The following RRBP1 variants were observed in gnomAD, a reference collection of about 807,000 sequenced individuals.
RRBP1 encodes the protein ribosome-binding protein 1.
Under a neutral mutation model 165.2 loss-of-function variants are expected in RRBP1, and 94 were observed. That is an observed-to-expected ratio of 0.57 (90% CI 0.48 to 0.68). The LOEUF (loss-of-function observed/expected upper bound fraction) is 0.68. Among genes scored for constraint, RRBP1 ranks in the 30% least tolerant of loss-of-function variants. The pLI is 0.00. For missense variants in RRBP1, 1,676 were observed against 1,763.0 expected, an observed-to-expected ratio of 0.95 and a Z score of 0.88; for synonymous variants, 680 against 714.5, an observed-to-expected ratio of 0.95 and a Z score of 0.77.
At chr20:17,627,254 C>G in intron 11 of RRBP1, 94 bp downstream of exon 11, 1 of 1,310,732 alleles carries the variant, frequency 7.6e-7, no homozygotes. Flanking sequence ...CTGCAGAGGA[C>G]CTGAGCACCC....
Position 17,614,153 on chromosome 20 carries a change from A to G in RRBP1, c.*29T>C. On this transcript the variant is annotated 3_prime_UTR_variant, in exon 25 of 25. Coordinates refer to ENST00000377813, the MANE Select transcript of RRBP1 (RefSeq NM_001365613.2). ...TGTGTAAGGCATTTTGGTAAGTTGA[A>G]CAGTAACTTCTTTTTCCAAAGAGGA... 2 of 1,612,060 alleles carry G rather than the reference A, an allele frequency of 1.2e-6. No homozygotes were observed. Among genetic ancestry groups the G allele is most frequent in the Non-Finnish European group, 1.7e-6 (2 of 1,178,160 alleles).
At position 17,617,196 on chromosome 20, in the gene RRBP1, C is replaced by G. The variant is rs572239079; in HGVS notation, c.3760-357G>C. 2.0e-5 allele frequency among the ~76,000 whole-genome samples: 3 copies of G among 152,366 alleles called. No individual in the cohort carries two copies. The East Asian group carries it at 5.8e-4, about 29-fold the overall frequency. Reference sequence around the variant, plus strand: ...CTGTCTACACCCCCCGTTTCTCCTTCAAGGATGCAGTCCACTGCTCAGAGC... The same window carrying G: ...CTGTCTACACCCCCCGTTTCTCCTTGAAGGATGCAGTCCACTGCTCAGAGC... On this transcript the variant is annotated intron_variant, in intron 20 of 24. Transcript: ENST00000377813.
intron 3 of RRBP1, among the ~76,000 whole-genome samples, chr20:17,652,317 T>A (rs1292014091): frequency 6.6e-6 from 1 of 152,156 alleles, no homozygotes; most frequent in African/African-American, 2.4e-5. Context: ...AGGAATGGAA[T>A]CTTTAATTTT....
At chr20:17,618,516 A>G in intron 20 of RRBP1, 80 bp downstream of exon 20, 1 of 1,118,492 alleles carries the variant, frequency 8.9e-7, no homozygotes, top group Non-Finnish European at 1.4e-6. Flanking sequence ...AGTGGACACA[A>G]ACGCATGACT....
intron 3 of RRBP1, among the ~76,000 whole-genome samples, chr20:17,645,961 G>T (rs913164393): frequency 6.6e-6 from 1 of 152,216 alleles, no homozygotes; most frequent in African/African-American, 2.4e-5. Flanking sequence ...GGCCTGGGGA[G>T]TGACCAGGGA....
chr20:17,658,481 A>G, intron 3 of RRBP1, 115 bp downstream of exon 3: 1 of 869,666 alleles, frequency 1.1e-6, no homozygotes, highest in Non-Finnish European at 1.7e-6. Flanking sequence ...AATGTTTGTT[A>G]CGCAGCCTTA....
rs766729433 is a variant in RRBP1 at position 17,620,726 on chromosome 20, C to G, written c.3496G>C (p.Glu1166Gln). The change falls in exon 17 of 25, where the codon GAG becomes CAG. Residue 1166 changes from glutamate to glutamine, a missense_variant. This residue lies in a region of RRBP1 where 1,184 missense variants were observed against 1,167.1 expected (regional missense o/e 1.01). Transcript: ENST00000377813. ...WRAKVGAAEE[E>Q]LQKSRVTVKH... ...AGGGCTGCATATACCTTCTGGAGCT[C>G]CTCCTCTGCGGCGCCCACCTTGGCC... 30 of 1,605,126 alleles carry G rather than the reference C, an allele frequency of 1.9e-5. No homozygotes were observed. Among genetic ancestry groups the G allele is most frequent in the Non-Finnish European group, 2.5e-5 (30 of 1,179,326 alleles).
chr20:17,657,303 G>A (rs1406679134), intron 3 of RRBP1, among the ~76,000 whole-genome samples: 2 of 152,208 alleles, frequency 1.3e-5, no homozygotes, highest in South Asian at 2.1e-4. Context: ...GCCTACAGCC[G>A]CTCACAGGGG....
intron 2 of RRBP1, among the ~76,000 whole-genome samples, chr20:17,673,628 C>T (rs1568791448): frequency 1.3e-5 from 2 of 152,106 alleles, no homozygotes; most frequent in South Asian, 2.1e-4. Context: ...AGGCTGGTCT[C>T]GACCTCCTGA....
At position 17,658,908 on chromosome 20, in the gene RRBP1, G is replaced by A. The variant is rs2036695729; in HGVS notation, c.1600C>T (p.Pro534Ser). 1 of 1,613,312 alleles carries A rather than the reference G, an allele frequency of 6.2e-7. No homozygotes were observed. Among genetic ancestry groups the A allele is most frequent in the Non-Finnish European group, 8.5e-7 (1 of 1,179,882 alleles). The part of the protein sequence containing the change: ...GAQGKKAERS[P>S]NQGKKGEGAP... ...CCCTCTCCTTTTTTGCCTTGGTTGG[G>A]ACTCCTTTCTGCCTTTTTGCCCTGA... Residue 534 changes from proline (P) to serine (S), a missense_variant, in exon 3 of 25, where the codon CCC becomes TCC. By Grantham distance (74) the Pro-to-Ser change is moderately conservative. Around this residue, in one of 5 missense-constraint regions of RRBP1, gnomAD observed 1,184 missense variants for 1,167.1 expected, o/e 1.01. Coordinates refer to ENST00000377813, the MANE Select transcript of RRBP1 (RefSeq NM_001365613.2).
chr20:17,629,057 G>C (rs1600736012), intron 9 of RRBP1, among the ~76,000 whole-genome samples: 1 of 152,228 alleles, frequency 6.6e-6, no homozygotes, highest in Non-Finnish European at 1.5e-5. Context: ...GACAGAGACT[G>C]GCCAGAAGCA....
At chr20:17,664,017 T>C (rs945205007) in intron 2 of RRBP1, among the ~76,000 whole-genome samples, 24 of 152,230 alleles carry the variant, frequency 1.6e-4, no homozygotes, top group Admixed American at 1.6e-3. Flanking sequence ...CTGAATCCTA[T>C]ATACACTATT....
Position 17,621,527 on chromosome 20 carries a change from C to G in RRBP1, c.3345G>C (p.Arg1115Ser). The change falls in exon 16 of 25, where the codon AGG becomes AGC. Residue 1115 changes from arginine (R) to serine (S), a missense_variant. By Grantham distance (110) the Arg-to-Ser change is moderately radical (BLOSUM62 -1). Around this residue, in one of 5 missense-constraint regions of RRBP1, gnomAD observed 1,184 missense variants for 1,167.1 expected, o/e 1.01. Transcript: ENST00000377813. The part of the protein sequence containing the change: ...EPSSDLASKL[R>S]EAEETQSTLQ... ...GTGTGCTCTGCGTCTCCTCGGCCTC[C>G]CTCAACTTGGAGGCCAGGTCCTGAG... 1 of 1,612,912 alleles carries G rather than the reference C, an allele frequency of 6.2e-7. No individual in the cohort carries two copies.
At chr20:17,646,860 T>C (rs1171590138) in intron 3 of RRBP1, among the ~76,000 whole-genome samples, 1 of 152,116 alleles carries the variant, frequency 6.6e-6, no homozygotes, top group Non-Finnish European at 1.5e-5. Flanking sequence ...GGCTCAGGCA[T>C]AGAAGGAGGA....
In RRBP1 at chr20:17,676,681, C is replaced by T. The variant is rs1223228483; in HGVS notation, c.-22+3318G>A. ...GGACAAACACAGTCCACGGCTGCCA[C>T]ACAAGAAAGTCAACCTAGTGTAGCC... is the stretch of plus-strand genomic sequence containing the variant. On this transcript the variant is annotated intron_variant, in intron 2 of 24. Transcript: ENST00000377813. Among the ~76,000 whole-genome samples the T allele has an allele frequency of 4.6e-5, 7 of 152,324 alleles. No homozygotes were observed. In the South Asian group the frequency reaches 1.5e-3, roughly 32 times the overall value.
intron 9 of RRBP1, among the ~76,000 whole-genome samples, chr20:17,628,483 G>A (rs2036077075): frequency 6.6e-6 from 1 of 152,058 alleles, no homozygotes; most frequent in African/African-American, 2.4e-5. Context: ...GGTCTCCATG[G>A]GCCACTCGTG....
intron 5 of RRBP1, among the ~76,000 whole-genome samples, chr20:17,638,710 T>C (rs376847544): frequency 0.047 from 849 of 18,150 alleles, 10 homozygotes; most frequent in African/African-American, 0.16. Context: ...AAAGCATTCC[T>C]GATGGTGGTG....
intron 2 of RRBP1, among the ~76,000 whole-genome samples, chr20:17,665,672 T>G (rs991674144): frequency 2.0e-5 from 3 of 152,246 alleles, no homozygotes; most frequent in African/African-American, 7.2e-5. Context: ...TTTAAAAATT[T>G]ATGCTGTCAC....
chr20:17,633,725 C>CT (rs2036197272), intron 7 of RRBP1, 112 bp from the exon 8 acceptor site: 1 of 1,120,258 alleles, frequency 8.9e-7, no homozygotes, highest in East Asian at 2.5e-5. Flanking sequence ...TTGCCCAAGT[C>CT]TTGAAGCCAT....
Sources: gnomAD v4.1 joint callset for allele counts (sites outside exome capture counted in the v4.1 genomes callset) on GRCh38, gnomAD v4.1.1 for gene constraint, gnomAD v4.1.1 regional missense constraint, MANE v1.5 for transcripts, NCBI Gene and HGNC (gene_info 2026-07-23, HGNC 2026-07-21) for gene names.